Variants in SPATA6 observed in about 807,000 individuals in gnomAD.
SPATA6 encodes the protein spermatogenesis associated 6.
In SPATA6, 56 loss-of-function variants were observed where a neutral mutation model predicts 65.3. That is an observed-to-expected ratio of 0.86 (90% confidence interval 0.69 to 1.07). SPATA6 has a LOEUF of 1.07. Among genes scored for constraint, SPATA6 ranks in the 50% least tolerant of loss-of-function variants. The pLI, the probability that SPATA6 is intolerant of heterozygous loss-of-function variation, is 0.00. For missense variants in SPATA6, 590 were observed against 594.8 expected (o/e 0.99, Z 0.08); for synonymous variants, 199 against 213.2 (o/e 0.93, Z 0.58).
intron 3 of SPATA6, among the ~76,000 whole-genome samples, chr1:48,450,393 T>G (rs1656455174): frequency 6.8e-6 from 1 of 147,404 alleles, no homozygotes. Flanking sequence ...CAAAAAATAA[T>G]AACCACTAAG....
chr1:48,398,504 A>C (rs114403335), intron 7 of SPATA6, among the ~76,000 whole-genome samples: 1 of 151,710 alleles, frequency 6.6e-6, no homozygotes. Flanking sequence ...ATTAGTCAGA[A>C]ATATTTTTAT....
At chr1:48,295,265 T>G (rs760034431), downstream of SPATA6, 2 of 152,190 alleles carry the variant, frequency 1.3e-5, no homozygotes, top group South Asian at 4.1e-4. Context: ...TAAAATCATA[T>G]GTCCACACAA....
At chr1:48,329,884 G>A (rs1645866827) in intron 11 of SPATA6, among the ~76,000 whole-genome samples, 2 of 152,140 alleles carry the variant, frequency 1.3e-5, no homozygotes, top group African/African-American at 2.4e-5. Context: ...GAATCACCCC[G>A]TCACCCATCC....
intron 11 of SPATA6, among the ~76,000 whole-genome samples, chr1:48,315,759 T>C (rs560038956): frequency 6.6e-6 from 1 of 152,324 alleles, no homozygotes; most frequent in Admixed American, 6.5e-5. Flanking sequence ...TGTCCCTGTT[T>C]GCAGCTGACA....
At chr1:48,429,101 G>A (rs1275140973) in intron 3 of SPATA6, among the ~76,000 whole-genome samples, 1 of 150,138 alleles carries the variant, frequency 6.7e-6, no homozygotes. Context: ...CTTTTTTTAG[G>A]AGCAACCTGC....
At chr1:48,337,860 GA>G (rs1275069882) in intron 11 of SPATA6, among the ~76,000 whole-genome samples, 1 of 151,966 alleles carries the variant, frequency 6.6e-6, no homozygotes, top group African/African-American at 2.4e-5. Context: ...ACAATTTCAT[GA>G]ACTGGAAGAC....
intron 11 of SPATA6, among the ~76,000 whole-genome samples, chr1:48,320,328 C>T (rs1270028134): frequency 2.0e-5 from 3 of 151,988 alleles, no homozygotes; most frequent in Non-Finnish European, 4.4e-5. Context: ...ATCCAACTGC[C>T]GAATACCAAA....
chr1:48,290,108 G>C, the SPATA6 span, among the ~76,000 whole-genome samples: 1 of 152,180 alleles, frequency 6.6e-6, no homozygotes, highest in Admixed American at 6.5e-5. Flanking sequence ...AGAAAGGTTG[G>C]GTTACCCACA....
chr1:48,333,350 C>T (rs1197272427), intron 11 of SPATA6, among the ~76,000 whole-genome samples: 1 of 152,118 alleles, frequency 6.6e-6, no homozygotes, highest in African/African-American at 2.4e-5. Flanking sequence ...GGGTCTTGGG[C>T]CTTTGGCCAC....
chr1:48,386,180 T>C (rs1649442587), intron 8 of SPATA6, among the ~76,000 whole-genome samples: 1 of 152,160 alleles, frequency 6.6e-6, no homozygotes, highest in Non-Finnish European at 1.5e-5. Context: ...AGAGTGATGA[T>C]AACATGATAC....
intron 11 of SPATA6, among the ~76,000 whole-genome samples, chr1:48,352,474 T>C (rs965344472): frequency 1.3e-5 from 2 of 151,868 alleles, no homozygotes; most frequent in Admixed American, 6.6e-5. Context: ...TTAACATCAA[T>C]GCAAATACAG....
intron 8 of SPATA6, among the ~76,000 whole-genome samples, chr1:48,391,394 A>G (rs1650055489): frequency 6.6e-6 from 1 of 151,904 alleles, no homozygotes; most frequent in Non-Finnish European, 1.5e-5. Flanking sequence ...AAGGACAAGG[A>G]TATGCTAACT....
chr1:48,320,336 A>G (rs1010681386), intron 11 of SPATA6, among the ~76,000 whole-genome samples: 9 of 152,226 alleles, frequency 5.9e-5, no homozygotes, highest in African/African-American at 1.9e-4. Flanking sequence ...GCCGAATACC[A>G]AAGATACAGA....
intron 9 of SPATA6, among the ~76,000 whole-genome samples, chr1:48,364,736 C>G (rs1646939998): frequency 6.6e-6 from 1 of 152,062 alleles, no homozygotes; most frequent in Admixed American, 6.6e-5. Flanking sequence ...AATTTTCACC[C>G]ATTTTGTAGG....
chr1:48,422,765 T>C (rs1283288652), intron 3 of SPATA6, among the ~76,000 whole-genome samples: 2 of 152,210 alleles, frequency 1.3e-5, no homozygotes, highest in African/African-American at 4.8e-5. Context: ...TAACCATGAA[T>C]GGTACAGTTA....
At chr1:48,341,519 G>C (rs1646214543) in intron 11 of SPATA6, among the ~76,000 whole-genome samples, 1 of 152,118 alleles carries the variant, frequency 6.6e-6, no homozygotes, top group African/African-American at 2.4e-5. Flanking sequence ...TATAAAGCTT[G>C]CATTCAAGTT....
intron 12 of SPATA6, among the ~76,000 whole-genome samples, chr1:48,300,341 T>C (rs1557522965): frequency 6.6e-6 from 1 of 152,172 alleles, no homozygotes; most frequent in East Asian, 1.9e-4. Flanking sequence ...TCTTCCCAGA[T>C]ACACACAACC....
At chr1:48,311,567 A>T (rs910799796) in intron 11 of SPATA6, among the ~76,000 whole-genome samples, 11 of 152,104 alleles carry the variant, frequency 7.2e-5, no homozygotes, top group Admixed American at 1.3e-4. Context: ...TAATCAAAAA[A>T]ACTTAAATTA....
chr1:48,432,822 G>A (rs1408310109), intron 3 of SPATA6, among the ~76,000 whole-genome samples: 1 of 152,102 alleles, frequency 6.6e-6, no homozygotes, highest in Admixed American at 6.5e-5. Flanking sequence ...ACAGATATCT[G>A]TACTCCCATG....
Sources: gnomAD v4.1 joint callset for allele counts (sites outside exome capture counted in the v4.1 genomes callset) on GRCh38, gnomAD v4.1.1 for gene constraint, MANE v1.5 for transcripts, NCBI Gene and HGNC (gene_info 2026-07-23, HGNC 2026-07-21) for gene names.